The following FBN3 variants were observed in gnomAD, a reference collection of about 807,000 sequenced individuals.
FBN3 encodes the protein fibrillin 3, also known as fibrillin-3.
A neutral mutation model predicts 330.1 loss-of-function variants in FBN3; 234 were observed. That is an observed-to-expected ratio of 0.71 (90% CI 0.64 to 0.79). The LOEUF (loss-of-function observed/expected upper bound fraction) is 0.79. FBN3 is among the 30% of genes least tolerant of loss of function. The pLI, the probability that FBN3 is intolerant of heterozygous loss-of-function variation, is 0.00. For synonymous variants in FBN3, 1,458 were observed against 1,517.3 expected (o/e 0.96, Z 0.91); for missense variants, 3,606 against 3,886.9 (o/e 0.93, Z 1.92).
intron 18 of FBN3, among the ~76,000 whole-genome samples, chr19:8,127,483 A>G (rs943924033): frequency 6.6e-6 from 1 of 152,198 alleles, no homozygotes; most frequent in Non-Finnish European, 1.5e-5. Flanking sequence ...AGGGTGCCCT[A>G]TAATTCAATT....
rs569358238 is a variant in FBN3 at position 8,116,685 on chromosome 19, C to T, written c.3701G>A (p.Arg1234Lys). The change falls in exon 29 of 64, where the codon AGG (arginine) becomes AAG (lysine). Residue 1234 changes from arginine to lysine, a missense_variant. Transcript: ENST00000600128. Reference sequence around the variant, plus strand: ...TCCCGGCTCCTCACCAACACATGTCCTCATGTCTGGCGTGGCCATGAAGCC... The same window carrying T: ...TCCCGGCTCCTCACCAACACATGTCTTCATGTCTGGCGTGGCCATGAAGCC... ...YDGFMATPDM[R>K]TCVDVDECDL... 2 of 1,613,688 alleles carry T rather than the reference C, an allele frequency of 1.2e-6. No individual in the cohort carries two copies. The highest frequency in any genetic ancestry group is 2.2e-5 in the East Asian group (1 of 44,890).
chr19:8,102,978 C>T, intron 39 of FBN3, 105 bp from the exon 40 acceptor site: 1 of 1,241,378 alleles, frequency 8.1e-7, no homozygotes, highest in Non-Finnish European at 1.2e-6. Flanking sequence ...TTGAAGATTA[C>T]TGGCTTGTCC....
At position 8,089,552 on chromosome 19, in the gene FBN3, G is replaced by A; in HGVS notation, c.6369C>T (p.Asn2123=). 1 of 1,614,162 alleles carries A rather than the reference G, an allele frequency of 6.2e-7. No homozygotes were observed. Among genetic ancestry groups the A allele is most frequent in the Non-Finnish European group, 8.5e-7 (1 of 1,179,990 alleles). Residue 2123 remains asparagine, a synonymous_variant, in exon 51 of 64, where the codon AAC becomes AAT. Coordinates refer to ENST00000600128, the MANE Select transcript of FBN3 (RefSeq NM_032447.5). ...FGYSLDFTGI[N]CVDTDECSVG... The stretch of plus-strand genomic sequence containing the variant: ...GAAGGGCTGGCCACTCACCCACACA[G>A]TTGATGCCAGTGAAGTCCAGGCTGT...
At chr19:8,102,661 G>A (rs1469197378) in intron 40 of FBN3, 63 bp downstream of exon 40, 4 of 1,521,464 alleles carry the variant, frequency 2.6e-6, no homozygotes, top group Admixed American at 3.5e-5. Flanking sequence ...AGGGCACTGT[G>A]TTTCCTTAAC....
chr19:8,143,655 A>T (rs1012017500), intron 6 of FBN3, among the ~76,000 whole-genome samples: 1 of 151,028 alleles, frequency 6.6e-6, no homozygotes, highest in Non-Finnish European at 1.5e-5. Context: ...ACCCAGTTAC[A>T]TTTTTTTGTG....
rs113992586 is a variant in FBN3 at position 8,109,562 on chromosome 19, C to G, written c.4456+69G>C. 4.3e-4 allele frequency: 665 copies of G among 1,551,264 alleles called. 5 individuals carry two copies. The African/African-American group carries it at 7.8e-3, about 18-fold the overall frequency. On this transcript the variant is annotated intron_variant, in intron 35 of 63. Transcript: ENST00000600128. The surrounding 1 kb of genome is among the most constrained non-coding windows in gnomAD (Gnocchi z 5.2). ...TTGAACACGTTGACATCTGAGTTAACCCAGTGGGGCAATCCCACCCACCTC... is the reference window on the plus strand; with the variant it reads ...TTGAACACGTTGACATCTGAGTTAAGCCAGTGGGGCAATCCCACCCACCTC...
intron 1 of FBN3, among the ~76,000 whole-genome samples, chr19:8,148,474 G>A (rs906598298): frequency 6.6e-6 from 1 of 152,200 alleles, no homozygotes; most frequent in African/African-American, 2.4e-5. Context: ...TTAAGCCCAC[G>A]AAGAGAAGAA....
chr19:8,120,165 C>CTTTTTTT (rs34799960), intron 25 of FBN3, among the ~76,000 whole-genome samples: 10 of 127,920 alleles, frequency 7.8e-5, no homozygotes, highest in African/African-American at 1.5e-4. Flanking sequence ...TTCTTTCTTT[C>CTTTTTTT]TTTTTTTTTT....
chr19:8,095,951 T>G lies in FBN3; in HGVS notation c.5656+13A>C. The G allele has an allele frequency of 6.3e-7, 1 of 1,576,714 alleles. No individual in the cohort carries two copies. The highest frequency in any genetic ancestry group is 1.3e-5 in the African/African-American group (1 of 74,380). ...CCCACTTTGTGGCCAGCCTGCCACCTGAGCCGACTCACCCACACAATCCCC... is the reference window on the plus strand; with the variant it reads ...CCCACTTTGTGGCCAGCCTGCCACCGGAGCCGACTCACCCACACAATCCCC... On this transcript the variant is annotated intron_variant, in intron 45 of 63. Coordinates refer to ENST00000600128, the MANE Select transcript of FBN3 (RefSeq NM_032447.5).
chr19:8,082,331 T>C (rs984835430), intron 57 of FBN3, among the ~76,000 whole-genome samples: 14 of 144,538 alleles, frequency 9.7e-5, no homozygotes, highest in African/African-American at 3.6e-4. Context: ...TTCTTTCTGT[T>C]TCTTTCTCTT....
At position 8,109,453 on chromosome 19, in the gene FBN3, G is replaced by A; in HGVS notation, c.4457-65C>T. The A allele has an allele frequency of 6.4e-7, 1 of 1,568,420 alleles. No individual in the cohort carries two copies. Among genetic ancestry groups the A allele is most frequent in the Non-Finnish European group, 8.8e-7 (1 of 1,141,982 alleles). On this transcript the variant is annotated intron_variant, in intron 35 of 63. Coordinates refer to ENST00000600128, the MANE Select transcript of FBN3 (RefSeq NM_032447.5). This position sits in a 1 kb window ranked among gnomAD's most constrained non-coding sequence, Gnocchi z 5.2. ...GAAAGCTGTATGTGTGCGTGTGCATGCATGTGTCTATTTCAACAGGTGACA... is the reference window on the plus strand; with the variant it reads ...GAAAGCTGTATGTGTGCGTGTGCATACATGTGTCTATTTCAACAGGTGACA...
rs768558470 is a variant in FBN3 at position 8,129,357 on chromosome 19, CGTT to C, written c.2050_2052del (p.Asn684del). The C allele has an allele frequency of 6.2e-7, 1 of 1,613,954 alleles. No homozygotes were observed. Among genetic ancestry groups the C allele is most frequent in the Non-Finnish European group, 8.5e-7 (1 of 1,179,944 alleles). On this transcript the variant is annotated inframe_deletion, in exon 17 of 64. Transcript: ENST00000600128. The surrounding 1 kb of genome is among the most constrained non-coding windows in gnomAD (Gnocchi z 4.5). ...CAAACCTCAGGATCCAGAGCACACT[CGTT>C]GATGTCTGCGGCAGGAGGAGGGTGT... is the stretch of plus-strand genomic sequence containing the variant.
intron 50 of FBN3, 33 bp downstream of exon 50, chr19:8,089,861 A>T (rs1001647453): frequency 6.4e-7 from 1 of 1,573,622 alleles, no homozygotes; most frequent in East Asian, 2.3e-5. Flanking sequence ...GGTGGCCCAG[A>T]AGGGGCTCTT....
rs138098000 is a variant in FBN3 at position 8,141,878 on chromosome 19, C to A, written c.740-36G>T. ...AAAGCCCGGCAGGGGAGTGAGAGGC[C>A]CATCGGAGGGAAGAACCAAGGCAGC... On this transcript the variant is annotated intron_variant, in intron 7 of 63. Coordinates refer to ENST00000600128, the MANE Select transcript of FBN3 (RefSeq NM_032447.5). 1.2e-4 allele frequency: 188 copies of A among 1,612,484 alleles called. 1 individual carries two copies. The East Asian group carries it at 3.1e-3, about 27-fold the overall frequency.
In FBN3 at chr19:8,094,455, G is replaced by C. The variant is rs34167077; in HGVS notation, c.5896C>G (p.His1966Asp). 0.1 allele frequency: 161,242 copies of C among 1,612,676 alleles called. 8,875 individuals carry two copies. Among genetic ancestry groups the C allele is most frequent in the South Asian group, 0.12 (10,524 of 90,870 alleles). Reference sequence around the variant, plus strand: ...GGGGCTGGACACTCACCAATGCAGTGGTCACTCTGCACCTGGAAGCCAGGG... The same window carrying C: ...GGGGCTGGACACTCACCAATGCAGTCGTCACTCTGCACCTGGAAGCCAGGG... Reference protein sequence around the residue: ...CPPGFQVQSDHCIDIDECSEE... With the variant: ...CPPGFQVQSDDCIDIDECSEE... Residue 1966 changes from histidine to aspartate, a missense_variant, in exon 47 of 64, where the codon CAC (histidine) becomes GAC (aspartate). By Grantham distance (81) the His-to-Asp change is moderately conservative. Transcript: ENST00000600128.
chr19:8,092,493 A>C (rs1203518652), intron 47 of FBN3, among the ~76,000 whole-genome samples: 1 of 152,004 alleles, frequency 6.6e-6, no homozygotes, highest in East Asian at 2.0e-4. Context: ...CTGGTGGATC[A>C]CTTGAGATCA....
intron 6 of FBN3, 66 bp from the exon 7 acceptor site, chr19:8,142,203 T>A: frequency 4.6e-6 from 6 of 1,315,756 alleles, no homozygotes; most frequent in Non-Finnish European, 6.3e-6. Flanking sequence ...TCTGCGTCTC[T>A]AACACCTTCT....
At chr19:8,088,767 T>C (rs1478379719) in intron 51 of FBN3, among the ~76,000 whole-genome samples, 1 of 151,752 alleles carries the variant, frequency 6.6e-6, no homozygotes, top group Non-Finnish European at 1.5e-5. Context: ...AAATGAGTGA[T>C]TGAATGGGTG....
intron 30 of FBN3, 55 bp from the exon 31 acceptor site, chr19:8,112,154 T>A (rs1256723710): frequency 6.3e-7 from 1 of 1,579,858 alleles, no homozygotes; most frequent in African/African-American, 1.3e-5. Flanking sequence ...AAAGACTCGA[T>A]GCAATAGCAG....
Sources: allele counts gnomAD v4.1 joint callset (sites outside exome capture counted in the v4.1 genomes callset), GRCh38; gene constraint gnomAD v4.1.1; non-coding constraint Gnocchi (gnomAD v3.1); transcripts MANE v1.5; gene names NCBI Gene and HGNC (gene_info 2026-07-23, HGNC 2026-07-21).